CSTPP1: variants seen among roughly 807,000 people sequenced by gnomAD.
CSTPP1 encodes centriolar satellite-associated tubulin polyglutamylase complex regulator 1.
the CSTPP1 span, among the ~76,000 whole-genome samples, chr11:46,983,817 G>A: frequency 1.2e-4 from 19 of 152,276 alleles, no homozygotes; most frequent in South Asian, 3.9e-3. Context: ...ACCAGGGCAC[G>A]GCAATTAGGG....
At chr11:47,050,294 C>G in the CSTPP1 span, among the ~76,000 whole-genome samples, 10 of 152,250 alleles carry the variant, frequency 6.6e-5, no homozygotes, top group Middle Eastern at 3.4e-3. Flanking sequence ...TCTTATCTTT[C>G]TAAATCAATT....
the CSTPP1 span, chr11:47,157,357 T>C: frequency 1.0e-6 from 1 of 994,752 alleles, no homozygotes; most frequent in African/African-American, 1.7e-5. Flanking sequence ...CAGTGCCATT[T>C]GCCCCCAAAC....
the CSTPP1 span, among the ~76,000 whole-genome samples, chr11:47,007,651 G>T: frequency 6.7e-6 from 1 of 150,252 alleles, no homozygotes. Flanking sequence ...ATCTTATCTT[G>T]TGTTATACTT....
At chr11:46,979,303 C>T in the CSTPP1 span, among the ~76,000 whole-genome samples, 2 of 152,142 alleles carry the variant, frequency 1.3e-5, no homozygotes, top group Non-Finnish European at 2.9e-5. Context: ...AATTTTATTA[C>T]TTCCCTGTTT....
At chr11:47,075,199 C>G in the CSTPP1 span, among the ~76,000 whole-genome samples, 1 of 152,006 alleles carries the variant, frequency 6.6e-6, no homozygotes, top group Admixed American at 6.6e-5. Context: ...TGGTGAAACC[C>G]CATATCTACT....
chr11:47,102,439 T>TG, the CSTPP1 span, among the ~76,000 whole-genome samples: 1 of 151,954 alleles, frequency 6.6e-6, no homozygotes, highest in Non-Finnish European at 1.5e-5. Context: ...CCTTCTCAAT[T>TG]GAGGCAATAT....
At chr11:46,940,923 G>T in the CSTPP1 span, among the ~76,000 whole-genome samples, 24,461 of 152,170 alleles carry the variant, frequency 0.16, 6,624 homozygotes, top group African/African-American at 0.56. Flanking sequence ...AGGCTTGGCA[G>T]ATTTGGTGTA....
chr11:47,148,229 A>G, the CSTPP1 span, among the ~76,000 whole-genome samples: 1 of 152,106 alleles, frequency 6.6e-6, no homozygotes. Flanking sequence ...TGACATTCAA[A>G]CAAAAACCCT....
chr11:47,013,474 C>A, the CSTPP1 span, among the ~76,000 whole-genome samples: 1 of 152,212 alleles, frequency 6.6e-6, no homozygotes, highest in East Asian at 1.9e-4. Context: ...TGTTCATCTC[C>A]CACTTGTAAG....
the CSTPP1 span, among the ~76,000 whole-genome samples, chr11:47,112,614 G>A: frequency 1.8e-4 from 27 of 152,192 alleles, no homozygotes; most frequent in African/African-American, 5.5e-4. Context: ...GAGCTGCTGC[G>A]CCCAGCCTAT....
At chr11:47,161,465 C>G in the CSTPP1 span, 1 of 1,613,752 alleles carries the variant, frequency 6.2e-7, no homozygotes, top group Non-Finnish European at 8.5e-7. Context: ...CTTCTTCAGG[C>G]TGGCCCAGGT....
chr11:47,074,726 G>A, the CSTPP1 span, among the ~76,000 whole-genome samples: 3 of 152,154 alleles, frequency 2.0e-5, no homozygotes, highest in Non-Finnish European at 4.4e-5. Flanking sequence ...AAGTCTTCCT[G>A]AGAACCATAT....
At chr11:46,962,591 G>A in the CSTPP1 span, among the ~76,000 whole-genome samples, 1 of 151,996 alleles carries the variant, frequency 6.6e-6, no homozygotes, top group African/African-American at 2.4e-5. Context: ...TATTATTTAG[G>A]CCTTTAATTT....
chr11:47,155,827 A>G, the CSTPP1 span: 1 of 156,170 alleles, frequency 6.4e-6, no homozygotes, highest in South Asian at 1.9e-4. Context: ...CCACAGCTTT[A>G]AAAAAGCATA....
chr11:47,115,954 T>G, the CSTPP1 span, among the ~76,000 whole-genome samples: 37 of 152,238 alleles, frequency 2.4e-4, no homozygotes, highest in African/African-American at 8.2e-4. Context: ...TGTGGGCATT[T>G]AATGCTATAA....
the CSTPP1 span, among the ~76,000 whole-genome samples, chr11:46,982,252 A>G: frequency 1.3e-5 from 2 of 152,090 alleles, no homozygotes; most frequent in Non-Finnish European, 2.9e-5. Context: ...AACTCTATGT[A>G]TTTATCAATT....
chr11:46,968,594 C>T, the CSTPP1 span, among the ~76,000 whole-genome samples: 3 of 151,414 alleles, frequency 2.0e-5, no homozygotes, highest in East Asian at 1.9e-4. Flanking sequence ...ATCACCCCCC[C>T]GAACAATTAA....
chr11:47,081,791 A>C, the CSTPP1 span, among the ~76,000 whole-genome samples: 1 of 152,104 alleles, frequency 6.6e-6, no homozygotes, highest in Non-Finnish European at 1.5e-5. Context: ...TTCTAGATGG[A>C]TCAAAAATTT....
chr11:47,095,532 A>C, the CSTPP1 span, among the ~76,000 whole-genome samples: 1 of 152,152 alleles, frequency 6.6e-6, no homozygotes, highest in African/African-American at 2.4e-5. Context: ...TATATGTTTT[A>C]GCTTCCAATT....
Sources: allele counts gnomAD v4.1 joint callset (sites outside exome capture counted in the v4.1 genomes callset), GRCh38; gene constraint gnomAD v4.1.1; transcripts MANE v1.5; gene names NCBI Gene and HGNC (gene_info 2026-07-23, HGNC 2026-07-21).